Variants in SOBP observed in about 807,000 individuals in gnomAD.
The protein encoded by SOBP is sine oculis-binding protein homolog.
SOBP carries 4 observed loss-of-function variants against 53.6 expected under a neutral mutation model. The ratio of observed to expected loss-of-function variants is 0.07; its 90% CI spans 0.04 to 0.17. The LOEUF is 0.17. Ranked by LOEUF, SOBP falls within the 10% of genes least tolerant of loss-of-function variation. The pLI, the probability that SOBP is intolerant of heterozygous loss-of-function variation, is 1.00. For missense variants in SOBP, 1,088 were observed against 1,204.7 expected (o/e 0.90, Z 1.43); for synonymous variants, 584 against 522.6 (o/e 1.12, Z -1.60).
chr6:107,600,099 T>C (rs1786122262), intron 5 of SOBP, among the ~76,000 whole-genome samples: 2 of 152,372 alleles, frequency 1.3e-5, no homozygotes, highest in Admixed American at 1.3e-4. Context: ...CCTAATGTCT[T>C]TCCTCTGTCC....
intron 4 of SOBP, among the ~76,000 whole-genome samples, chr6:107,568,039 A>G (rs1236738931): frequency 6.6e-5 from 10 of 152,204 alleles, no homozygotes; most frequent in Admixed American, 5.2e-4. Flanking sequence ...CCAAGTATGT[A>G]ATATGTCTTT....
At chr6:107,518,508 T>C (rs911643229) in intron 3 of SOBP, among the ~76,000 whole-genome samples, 1 of 152,214 alleles carries the variant, frequency 6.6e-6, no homozygotes, top group African/African-American at 2.4e-5. Flanking sequence ...TATAATGCAA[T>C]AATTCTATCT....
At chr6:107,639,378 C>G (rs1380331775) in intron 6 of SOBP, among the ~76,000 whole-genome samples, 1 of 151,984 alleles carries the variant, frequency 6.6e-6, no homozygotes, top group Non-Finnish European at 1.5e-5. Context: ...GGTTACCTGC[C>G]TTTATGCATT....
intron 6 of SOBP, among the ~76,000 whole-genome samples, chr6:107,639,561 C>T (rs1771216516): frequency 1.3e-5 from 2 of 152,124 alleles, no homozygotes; most frequent in Admixed American, 1.3e-4. Context: ...AAAATATCCC[C>T]CCGAATAATA....
chr6:107,494,758 C>T (rs1423107077), intron 1 of SOBP, among the ~76,000 whole-genome samples: 1 of 152,126 alleles, frequency 6.6e-6, no homozygotes, highest in African/African-American at 2.4e-5. Context: ...TAATTTGTAC[C>T]TAAAATTACG....
At position 107,490,869 on chromosome 6, in the gene SOBP, C is replaced by T. The variant is rs996397022; in HGVS notation, c.96+157C>T. ...TCCTCCTCCAGGTGTAAAGCAGAGG[C>T]CAACTCGAGGGCTGCATCCCCGAAA... On this transcript the variant is annotated intron_variant, in intron 1 of 6. Coordinates refer to ENST00000317357, the MANE Select transcript of SOBP (RefSeq NM_018013.4). Among the ~76,000 whole-genome samples, 24 of 152,058 alleles carry T rather than the reference C, an allele frequency of 1.6e-4. 1 individual carries two copies. The highest frequency in any genetic ancestry group is 1.4e-3 in the Admixed American group (22 of 15,278).
At chr6:107,553,154 G>C (rs1157040987) in intron 4 of SOBP, among the ~76,000 whole-genome samples, 2 of 151,904 alleles carry the variant, frequency 1.3e-5, no homozygotes, top group Non-Finnish European at 2.9e-5. Context: ...GAGTTTAACT[G>C]TTTGAATCAT....
Position 107,643,368 on chromosome 6 carries a change from A to T in SOBP, c.*3+7899A>T, listed in dbSNP as rs114124253. 3.8e-3 allele frequency among the ~76,000 whole-genome samples: 581 copies of T among 152,194 alleles called. 4 individuals are homozygous for T. Among genetic ancestry groups the T allele is most frequent in the African/African-American group, 0.013 (555 of 41,542 alleles). On this transcript the variant is annotated intron_variant, in intron 6 of 6. Coordinates refer to ENST00000317357, the MANE Select transcript of SOBP (RefSeq NM_018013.4). ...TTACATGTAAAACTTTGTCCTTATA[A>T]TGTGTTAGATGCTCATACTTTAAAT...
intron 4 of SOBP, among the ~76,000 whole-genome samples, chr6:107,538,682 G>T (rs1175010228): frequency 6.6e-6 from 1 of 152,188 alleles, no homozygotes; most frequent in Non-Finnish European, 1.5e-5. Flanking sequence ...TCCTCCCAGG[G>T]TTTTAGTCTG....
intron 3 of SOBP, among the ~76,000 whole-genome samples, chr6:107,516,406 G>A (rs1783322323): frequency 6.6e-6 from 1 of 151,624 alleles, no homozygotes; most frequent in African/African-American, 2.4e-5. Flanking sequence ...AAGTTGCAGT[G>A]AATGGAGGTT....
intron 4 of SOBP, among the ~76,000 whole-genome samples, chr6:107,545,506 G>T (rs955591093): frequency 6.6e-6 from 1 of 152,124 alleles, no homozygotes; most frequent in African/African-American, 2.4e-5. Context: ...TTTCAGCCTC[G>T]CATGTAATTT....
intron 5 of SOBP, among the ~76,000 whole-genome samples, chr6:107,599,032 G>A (rs943101583): frequency 6.6e-6 from 1 of 152,050 alleles, no homozygotes; most frequent in African/African-American, 2.4e-5. Flanking sequence ...AAGTAGGAAC[G>A]AAAGATTCTT....
chr6:107,530,513 CTTTATTAGT>C (rs1361194030), intron 3 of SOBP, among the ~76,000 whole-genome samples: 1 of 151,536 alleles, frequency 6.6e-6, no homozygotes, highest in Non-Finnish European at 1.5e-5. Flanking sequence ...AATCACAGTT[CTTTATTAGT>C]TTCTAAAATC....
intron 4 of SOBP, among the ~76,000 whole-genome samples, chr6:107,568,201 C>T (rs1263853990): frequency 6.6e-6 from 1 of 151,774 alleles, no homozygotes; most frequent in Non-Finnish European, 1.5e-5. Flanking sequence ...TATTTCAACT[C>T]ATTAAGAAAA....
intron 1 of SOBP, among the ~76,000 whole-genome samples, chr6:107,495,846 C>G (rs901310219): frequency 2.0e-5 from 3 of 151,928 alleles, no homozygotes; most frequent in African/African-American, 7.3e-5. Flanking sequence ...AAAATTATTA[C>G]AAGTAGTAGA....
At chr6:107,613,335 A>G (rs1369111155) in intron 5 of SOBP, among the ~76,000 whole-genome samples, 1 of 152,236 alleles carries the variant, frequency 6.6e-6, no homozygotes, top group Non-Finnish European at 1.5e-5. Context: ...TTCTGGATTA[A>G]GGGTTCTCTT....
At chr6:107,657,763 A>T (rs1238505437) in intron 6 of SOBP, among the ~76,000 whole-genome samples, 1 of 151,830 alleles carries the variant, frequency 6.6e-6, no homozygotes, top group Non-Finnish European at 1.5e-5. Flanking sequence ...GAATCACTTG[A>T]AACTGGGAGG....
intron 5 of SOBP, among the ~76,000 whole-genome samples, chr6:107,607,964 A>G (rs1786450449): frequency 6.6e-6 from 1 of 152,178 alleles, no homozygotes; most frequent in Non-Finnish European, 1.5e-5. Context: ...GGGCTACTCA[A>G]GTGGAAAGGA....
chr6:107,634,496 C>A lies in SOBP; in HGVS notation c.1652C>A (p.Pro551His). The A allele has an allele frequency of 6.2e-7, 1 of 1,611,840 alleles. No homozygotes were observed. Among genetic ancestry groups the A allele is most frequent in the Non-Finnish European group, 8.5e-7 (1 of 1,179,922 alleles). ...IPIPHVSDSK[P>H]PNGFSSNGEN... The stretch of plus-strand genomic sequence containing the variant: ...ATCCCTCACGTCAGCGACTCCAAGC[C>A]CCCCAACGGGTTCTCCAGCAACGGG... Residue 551 changes from proline to histidine, a missense_variant, in exon 6 of 7, where the codon CCC becomes CAC. Transcript: ENST00000317357. The surrounding 1 kb of genome is among the most constrained non-coding windows in gnomAD (Gnocchi z 4.5).
Sources: gnomAD v4.1 joint callset for allele counts (sites outside exome capture counted in the v4.1 genomes callset) on GRCh38, gnomAD v4.1.1 for gene constraint, Gnocchi (gnomAD v3.1) non-coding constraint, MANE v1.5 for transcripts, NCBI Gene and HGNC (gene_info 2026-07-23, HGNC 2026-07-21) for gene names.